The following LINGO2 variants were observed in gnomAD, a reference collection of about 807,000 sequenced individuals.
LINGO2 encodes the protein leucine rich repeat and Ig domain containing 2.
A neutral mutation model predicts 30.6 loss-of-function variants in LINGO2; 14 were observed. The ratio of observed to expected loss-of-function variants is 0.46; its 90% CI spans 0.30 to 0.72. The LOEUF (loss-of-function observed/expected upper bound fraction) is 0.72. LINGO2 is among the 30% of genes least tolerant of loss of function. The pLI is 0.07. For missense variants in LINGO2, 729 were observed against 751.7 expected, an observed-to-expected ratio of 0.97 and a Z score of 0.35; for synonymous variants, 317 against 288.5, an observed-to-expected ratio of 1.10 and a Z score of -1.00.
intron 4 of LINGO2, among the ~76,000 whole-genome samples, chr9:28,039,939 G>T (rs923261721): frequency 1.3e-5 from 2 of 152,128 alleles, no homozygotes; most frequent in Non-Finnish European, 2.9e-5. Flanking sequence ...TAGATGGGCT[G>T]AACATTCCAT....
chr9:28,255,064 A>G (rs967341974), intron 4 of LINGO2, among the ~76,000 whole-genome samples: 10 of 152,174 alleles, frequency 6.6e-5, no homozygotes, highest in Admixed American at 3.3e-4. Context: ...TTTGTTACTT[A>G]GTAAATGATA....
intron 4 of LINGO2, among the ~76,000 whole-genome samples, chr9:28,150,346 A>C (rs1364917729): frequency 3.3e-5 from 5 of 152,162 alleles, no homozygotes; most frequent in African/African-American, 4.8e-5. Flanking sequence ...CATTTTCGAC[A>C]TTGAAGTTTA....
intron 1 of LINGO2, among the ~76,000 whole-genome samples, chr9:28,477,232 C>T (rs1034366639): frequency 2.0e-5 from 3 of 152,054 alleles, no homozygotes; most frequent in Admixed American, 6.5e-5. Context: ...GCAATAATTA[C>T]GTATTGTTTA....
the LINGO2 span, among the ~76,000 whole-genome samples, chr9:28,683,235 A>C: frequency 9.3e-3 from 1,411 of 152,246 alleles, 30 homozygotes; most frequent in East Asian, 0.081. Context: ...CAAATTTCAC[A>C]AGTCATATAA....
the LINGO2 span, among the ~76,000 whole-genome samples, chr9:28,920,730 A>G: frequency 3.3e-5 from 5 of 151,280 alleles, no homozygotes; most frequent in Non-Finnish European, 4.4e-5. Context: ...CCAGATACAC[A>G]CACACACACA....
chr9:29,003,372 G>A, the LINGO2 span, among the ~76,000 whole-genome samples: 1 of 151,930 alleles, frequency 6.6e-6, no homozygotes, highest in Non-Finnish European at 1.5e-5. Flanking sequence ...GGGAAAGTTA[G>A]GATTAAGTGA....
chr9:28,809,798 C>T, the LINGO2 span, among the ~76,000 whole-genome samples: 1 of 147,260 alleles, frequency 6.8e-6, no homozygotes, highest in Admixed American at 6.8e-5. Context: ...CCCTTAATTT[C>T]ATGTCTTGCA....
rs576431124 is a variant in LINGO2, at chr9:28,561,224, C to G, written c.-364-85199G>C. Among the ~76,000 whole-genome samples, 3 of 151,970 alleles carry G rather than the reference C, an allele frequency of 2.0e-5. No individual in the cohort carries two copies. The East Asian group carries it at 5.8e-4, about 29-fold the overall frequency. ...TATTTCCCAGGCTCCCTTTAGAATGCCCAACCACCCTATAGAAAATGAGTA... is the reference window on the plus strand; with the variant it reads ...TATTTCCCAGGCTCCCTTTAGAATGGCCAACCACCCTATAGAAAATGAGTA... On this transcript the variant is annotated intron_variant, in intron 1 of 5. Transcript: ENST00000379992.
intron 5 of LINGO2, among the ~76,000 whole-genome samples, chr9:27,991,628 T>C (rs1241586375): frequency 6.6e-6 from 1 of 151,928 alleles, no homozygotes; most frequent in Non-Finnish European, 1.5e-5. Flanking sequence ...TTCAAACACA[T>C]AGGAACACAA....
chr9:28,975,961 G>T, the LINGO2 span, among the ~76,000 whole-genome samples: 1 of 152,090 alleles, frequency 6.6e-6, no homozygotes, highest in Non-Finnish European at 1.5e-5. Context: ...AACATCTTAG[G>T]TGATTGATTT....
intron 4 of LINGO2, among the ~76,000 whole-genome samples, chr9:28,067,100 A>G (rs1250585016): frequency 6.6e-6 from 1 of 152,092 alleles, no homozygotes; most frequent in Non-Finnish European, 1.5e-5. Flanking sequence ...TTATGCCAGC[A>G]CTCAAAGTTT....
At chr9:28,026,675 G>A (rs1394840438) in intron 4 of LINGO2, among the ~76,000 whole-genome samples, 2 of 152,098 alleles carry the variant, frequency 1.3e-5, no homozygotes, top group Non-Finnish European at 2.9e-5. Flanking sequence ...ACATCTTACT[G>A]TTTCTTATTT....
chr9:29,004,956 G>T, the LINGO2 span, among the ~76,000 whole-genome samples: 3 of 152,030 alleles, frequency 2.0e-5, no homozygotes, highest in Non-Finnish European at 4.4e-5. Context: ...TATGACTGTT[G>T]TAAACATTAA....
the LINGO2 span, among the ~76,000 whole-genome samples, chr9:28,832,047 A>G: frequency 6.6e-6 from 1 of 152,146 alleles, no homozygotes; most frequent in African/African-American, 2.4e-5. Context: ...ATGTATATGC[A>G]TTTTATTTTA....
At chr9:28,075,392 T>C (rs1052830628) in intron 4 of LINGO2, among the ~76,000 whole-genome samples, 1 of 151,954 alleles carries the variant, frequency 6.6e-6, no homozygotes, top group East Asian at 1.9e-4. Context: ...GTTTTTATGA[T>C]TATAATTAAT....
At chr9:28,846,335 TG>T in the LINGO2 span, among the ~76,000 whole-genome samples, 2 of 151,612 alleles carry the variant, frequency 1.3e-5, no homozygotes, top group East Asian at 1.9e-4. Context: ...ATACCCAAAA[TG>T]GGTGGTGCAG....
At chr9:27,949,909 A>C (rs771761589) in exon 6 of LINGO2, 2 of 1,614,096 alleles carry the variant, frequency 1.2e-6, no homozygotes, top group Admixed American at 3.3e-5. Context: ...TTGGTGACTG[A>C]AAGGGATGTG....
the LINGO2 span, among the ~76,000 whole-genome samples, chr9:29,152,771 A>G: frequency 1.3e-5 from 2 of 152,192 alleles, no homozygotes; most frequent in Non-Finnish European, 2.9e-5. Context: ...AATCCTTCAC[A>G]TGTACCCCCT....
chr9:28,459,225 G>A (rs1824978001), intron 2 of LINGO2, among the ~76,000 whole-genome samples: 1 of 150,972 alleles, frequency 6.6e-6, no homozygotes, highest in South Asian at 2.1e-4. Context: ...TCTTTCATCT[G>A]ATCTTCTGGA....
Sources: gnomAD v4.1 joint callset for allele counts (sites outside exome capture counted in the v4.1 genomes callset) on GRCh38, gnomAD v4.1.1 for gene constraint, MANE v1.5 for transcripts, NCBI Gene and HGNC (gene_info 2026-07-23, HGNC 2026-07-21) for gene names.